Variants in NLRP8 observed in about 807,000 individuals in gnomAD.
The protein encoded by NLRP8 is NLR family pyrin domain containing 8.
Under a neutral mutation model 88.7 loss-of-function variants are expected in NLRP8, and 86 were observed. The observed-to-expected ratio is 0.97, with a 90% confidence interval of 0.81 to 1.16. NLRP8 has a LOEUF of 1.16. Ranked by LOEUF, NLRP8 falls within the 50% of genes most tolerant of loss-of-function variation. The pLI, the probability that NLRP8 is intolerant of heterozygous loss-of-function variation, is 0.00. For synonymous variants in NLRP8, 504 were observed against 494.6 expected, an observed-to-expected ratio of 1.02 and a Z score of -0.25; for missense variants, 1,342 against 1,286.5, an observed-to-expected ratio of 1.04 and a Z score of -0.66.
At chr19:55,980,126 C>T (rs776046729) in intron 9 of NLRP8, among the ~76,000 whole-genome samples, 2 of 152,184 alleles carry the variant, frequency 1.3e-5, no homozygotes, top group African/African-American at 4.8e-5. Flanking sequence ...TTCATTTCTT[C>T]ACCTTTTCTT....
At chr19:55,980,373 A>G (rs1037797044) in intron 9 of NLRP8, among the ~76,000 whole-genome samples, 2 of 152,182 alleles carry the variant, frequency 1.3e-5, no homozygotes, top group South Asian at 2.1e-4. Flanking sequence ...TGAGTTGTCT[A>G]TTGCTATGCA....
At chr19:55,954,371 G>T in intron 2 of NLRP8, 130 bp from the exon 3 acceptor site, 1 of 919,334 alleles carries the variant, frequency 1.1e-6, no homozygotes, top group Middle Eastern at 2.3e-4. Context: ...ATCAGGAAAG[G>T]TTATTTCATT....
chr19:55,977,016 C>T (rs1037346286), intron 8 of NLRP8, among the ~76,000 whole-genome samples: 18 of 145,600 alleles, frequency 1.2e-4, no homozygotes, highest in African/African-American at 4.5e-4. Flanking sequence ...GGAAGTGGAG[C>T]TTGCAGTGAG....
At chr19:55,949,410 G>A (rs1479065826) in intron 1 of NLRP8, among the ~76,000 whole-genome samples, 1 of 151,836 alleles carries the variant, frequency 6.6e-6, no homozygotes, top group Non-Finnish European at 1.5e-5. Context: ...GCTAATTTTT[G>A]TATTTTTAGT....
chr19:55,987,967 C>A lies in NLRP8; in HGVS notation c.*54C>A. ...GATTGATCAGTTCCCACTCTGACAA[C>A]TGGCAAATACCAGGCGTTATCATCC... On this transcript the variant is annotated 3_prime_UTR_variant, in exon 10 of 10. Coordinates refer to ENST00000291971, the MANE Select transcript of NLRP8 (RefSeq NM_176811.2). The A allele has an allele frequency of 1.5e-6, 2 of 1,369,326 alleles. No homozygotes were observed. Among genetic ancestry groups the A allele is most frequent in the African/African-American group, 1.4e-5 (1 of 70,156 alleles). 84.8% of individuals were successfully genotyped at this position (1,369,326 alleles called of 1,614,324 possible).
At chr19:55,957,056 G>T (rs572151589) in intron 3 of NLRP8, among the ~76,000 whole-genome samples, 13 of 152,220 alleles carry the variant, frequency 8.5e-5, no homozygotes, top group African/African-American at 2.9e-4. Flanking sequence ...GCCTCCCAAA[G>T]CACTGGAATT....
At chr19:55,951,359 C>G (rs1353118059) in intron 1 of NLRP8, among the ~76,000 whole-genome samples, 2 of 152,142 alleles carry the variant, frequency 1.3e-5, no homozygotes, top group Non-Finnish European at 2.9e-5. Flanking sequence ...CAGAGACTAG[C>G]AGGAAACAAA....
chr19:55,987,898 C>T lies in NLRP8; in HGVS notation c.3132C>T (p.Ser1044=). The T allele has an allele frequency of 6.2e-7, 1 of 1,613,010 alleles. No individual in the cohort carries two copies. Among genetic ancestry groups the T allele is most frequent in the Non-Finnish European group, 8.5e-7 (1 of 1,179,060 alleles). ...TCACGGGAAAAAGTGACTGCCTATC[C>T]CAGATTAATCCTTAGGCCGTCCAGT... The change falls in exon 10 of 10, where the codon TCC becomes TCT. Residue 1044 remains serine (S), a synonymous_variant. Transcript: ENST00000291971.
Position 55,979,442 on chromosome 19 carries a change from C to T in NLRP8, c.2925C>T (p.Ser975=), listed in dbSNP as rs780374865. 5.0e-6 allele frequency: 8 copies of T among 1,614,090 alleles called. No homozygotes were observed. The East Asian group carries it at 1.8e-4, about 36-fold the overall frequency. ...CCATCTGCTGCCAGGCCATGGCTTC[C>T]ATGCTCCGCAAAAACCAACATCTGA... The change falls in exon 9 of 10, where the codon TCC becomes TCT. Residue 975 remains serine, a synonymous_variant. Transcript: ENST00000291971.
intron 5 of NLRP8, among the ~76,000 whole-genome samples, chr19:55,967,276 G>A (rs564773406): frequency 6.6e-6 from 1 of 152,256 alleles, no homozygotes; most frequent in East Asian, 1.9e-4. Flanking sequence ...CAAGTGCTTA[G>A]CATTCCAATA....
chr19:55,954,458 C>T, intron 2 of NLRP8, 43 bp from the exon 3 acceptor site: 1 of 1,580,928 alleles, frequency 6.3e-7, no homozygotes, highest in Non-Finnish European at 8.6e-7. Flanking sequence ...TTGCAATTCA[C>T]TCTGATGTCA....
chr19:55,958,947 C>T lies in NLRP8; in HGVS notation c.2042+2847C>T, dbSNP rs151175691. On this transcript the variant is annotated intron_variant, in intron 3 of 9. Transcript: ENST00000291971. ...AAGCTGGAGTGCAGTGGTGAGGTCT[C>T]GGATCACTGCAACCTCCACCTCCTG... is the stretch of plus-strand genomic sequence containing the variant. Among the ~76,000 whole-genome samples the T allele has an allele frequency of 2.8e-3, 431 of 152,146 alleles. 5 individuals carry two copies. The highest frequency in any genetic ancestry group is 9.7e-3 in the African/African-American group (404 of 41,496).
intron 6 of NLRP8, among the ~76,000 whole-genome samples, chr19:55,971,166 A>C (rs1222066583): frequency 2.0e-5 from 3 of 152,114 alleles, no homozygotes; most frequent in Non-Finnish European, 2.9e-5. Flanking sequence ...AGGGCCGGGC[A>C]CGGTGGCTCA....
chr19:55,960,632 G>A lies in NLRP8; in HGVS notation c.2043-1435G>A, dbSNP rs1170488375. Among the ~76,000 whole-genome samples the A allele has an allele frequency of 3.3e-5, 5 of 152,150 alleles. 1 individual carries two copies. The highest frequency in any genetic ancestry group is 4.8e-5 in the African/African-American group (2 of 41,452). On this transcript the variant is annotated intron_variant, in intron 3 of 9. Transcript: ENST00000291971. ...ATTGATCACTTTTGTATGGGTTCCT[G>A]CAGGGAGTTGATATCATTCCTACTT... is the stretch of plus-strand genomic sequence containing the variant.
At position 55,967,036 on chromosome 19, in the gene NLRP8, A is replaced by G. The variant is rs184279458; in HGVS notation, c.2381+656A>G. 2.0e-5 allele frequency among the ~76,000 whole-genome samples: 3 copies of G among 152,190 alleles called. No homozygotes were observed. In the East Asian group the frequency reaches 5.8e-4, roughly 29 times the overall value. ...ATAATCACATCTTGGAGAATGGGAG[A>G]TCTAGCCCTTCAAACATTTATCCTT... is the stretch of plus-strand genomic sequence containing the variant. On this transcript the variant is annotated intron_variant, in intron 5 of 9. Coordinates refer to ENST00000291971, the MANE Select transcript of NLRP8 (RefSeq NM_176811.2).
Position 55,966,395 on chromosome 19 carries a change from G to C in NLRP8, c.2381+15G>C. On this transcript the variant is annotated intron_variant, in intron 5 of 9. Coordinates refer to ENST00000291971, the MANE Select transcript of NLRP8 (RefSeq NM_176811.2). The stretch of plus-strand genomic sequence containing the variant: ...CAGTGTCTCAGGTGAGATTTGAGAG[G>C]GGGGTTAGAGTGGGAACCGGGGTAC... The C allele has an allele frequency of 1.2e-6, 2 of 1,611,582 alleles. No individual in the cohort carries two copies. The highest frequency in any genetic ancestry group is 2.2e-5 in the East Asian group (1 of 44,794).
At chr19:55,962,827 C>T (rs1979674179) in intron 4 of NLRP8, among the ~76,000 whole-genome samples, 1 of 152,040 alleles carries the variant, frequency 6.6e-6, no homozygotes, top group Non-Finnish European at 1.5e-5. Flanking sequence ...ATCATCACGA[C>T]AGAGAGATGA....
rs767605364 is a variant in NLRP8 at position 55,955,664 on chromosome 19, G to A, written c.1606G>A (p.Val536Met). Residue 536 changes from valine (V) to methionine (M), a missense_variant, in exon 3 of 10, where the codon GTG (valine) becomes ATG (methionine). Physicochemically the swap from Val to Met is conservative, Grantham distance 21. Transcript: ENST00000291971. ...CAAAAATTTTCATGTGTTGAGCCAC[G>A]TGAATATCCAGCGCCTGATAGCGAG... is the stretch of plus-strand genomic sequence containing the variant. 5.6e-6 allele frequency: 9 copies of A among 1,614,162 alleles called. No homozygotes were observed. The highest frequency in any genetic ancestry group is 1.3e-5 in the African/African-American group (1 of 75,036).
Position 55,973,672 on chromosome 19 carries a change from C to T in NLRP8, c.2555C>T (p.Thr852Ile). Reference sequence around the variant, plus strand: ...CATAGGATAGAGAACTGCAACCTTACACAGCTTACTTGTGAAAGCCTTGCC... The same window carrying T: ...CATAGGATAGAGAACTGCAACCTTATACAGCTTACTTGTGAAAGCCTTGCC... Residue 852 changes from threonine (T) to isoleucine (I), a missense_variant, in exon 7 of 10, where the codon ACA becomes ATA. By Grantham distance (89) the Thr-to-Ile change is moderately conservative. Transcript: ENST00000291971. 6.2e-7 allele frequency: 1 copy of T among 1,613,032 alleles called. No individual in the cohort carries two copies.
Sources: gnomAD v4.1 joint callset for allele counts (sites outside exome capture counted in the v4.1 genomes callset) on GRCh38, gnomAD v4.1.1 for gene constraint, MANE v1.5 for transcripts, NCBI Gene and HGNC (gene_info 2026-07-23, HGNC 2026-07-21) for gene names.